NFIB: variants seen among roughly 807,000 people sequenced by gnomAD.
NFIB encodes nuclear factor 1 B-type.
NFIB carries 11 observed loss-of-function variants against 61.5 expected under a neutral mutation model. That is an observed-to-expected ratio of 0.18 (90% CI 0.11 to 0.30). NFIB has a LOEUF of 0.30. NFIB is among the 10% of genes least tolerant of loss of function. NFIB has a pLI of 1.00. For missense variants in NFIB, 471 were observed against 608.9 expected (o/e 0.77, Z 2.38); for synonymous variants, 260 against 216.5 (o/e 1.20, Z -1.76).
chr9:14,374,524 AC>A (rs2061394813), intron 1 of NFIB, among the ~76,000 whole-genome samples: 2 of 152,222 alleles, frequency 1.3e-5, no homozygotes, highest in Non-Finnish European at 2.9e-5. Flanking sequence ...TGGGTTGTTT[AC>A]AAAGGAGAGA....
chr9:14,444,508 T>G, the NFIB span, among the ~76,000 whole-genome samples: 2 of 152,178 alleles, frequency 1.3e-5, no homozygotes, highest in African/African-American at 4.8e-5. Flanking sequence ...TGGATGAGCT[T>G]CTAAATAAGA....
intron 1 of NFIB, among the ~76,000 whole-genome samples, chr9:14,331,311 T>C (rs1041946749): frequency 6.6e-6 from 1 of 152,194 alleles, no homozygotes; most frequent in Non-Finnish European, 1.5e-5. Flanking sequence ...CATAGCTTAA[T>C]AGTTTATGCA....
chr9:14,146,584 T>C, intron 6 of NFIB, 105 bp downstream of exon 6: 1 of 1,479,298 alleles, frequency 6.8e-7, no homozygotes, highest in Non-Finnish European at 9.3e-7. Flanking sequence ...ATGAAAAAAA[T>C]ATACAATCCA....
At chr9:14,491,433 G>T in the NFIB span, among the ~76,000 whole-genome samples, 1 of 152,156 alleles carries the variant, frequency 6.6e-6, no homozygotes, top group African/African-American at 2.4e-5. Context: ...AGGAAGTGTG[G>T]GAAAAAATCA....
intron 8 of NFIB, among the ~76,000 whole-genome samples, chr9:14,118,005 C>G (rs998131556): frequency 1.3e-5 from 2 of 151,820 alleles, no homozygotes; most frequent in African/African-American, 4.8e-5. Context: ...ATTTCTAAAG[C>G]TAAAATGGTA....
the NFIB span, among the ~76,000 whole-genome samples, chr9:14,524,004 T>C: frequency 1.3e-5 from 2 of 152,198 alleles, no homozygotes; most frequent in African/African-American, 4.8e-5. Flanking sequence ...GGCCCACAGA[T>C]TTGAGTTCAT....
At chr9:14,205,030 A>C in intron 2 of NFIB, 1 of 267,312 alleles carries the variant, frequency 3.7e-6, no homozygotes, top group Non-Finnish European at 7.5e-6. Flanking sequence ...AGAACTTGCC[A>C]CCAAACTGGG....
chr9:14,307,556 T>A lies in NFIB; in HGVS notation c.31-36A>T. 6.6e-7 allele frequency: 1 copy of A among 1,510,198 alleles called. No homozygotes were observed. Among genetic ancestry groups the A allele is most frequent in the Non-Finnish European group, 8.8e-7 (1 of 1,130,212 alleles). 93.5% of individuals were successfully genotyped at this position (1,510,198 alleles called of 1,614,324 possible). On this transcript the variant is annotated intron_variant, in intron 1 of 10. Coordinates refer to ENST00000380953, the MANE Select transcript of NFIB (RefSeq NM_001190737.2). The surrounding 1 kb of genome is among the most constrained non-coding windows in gnomAD (Gnocchi z 5.3). ...CAGAGGGGTGAGGAAAAGATGTGCATAGTCAGTTTAATTTTAAAAGCTCAA... is the reference window on the plus strand; with the variant it reads ...CAGAGGGGTGAGGAAAAGATGTGCAAAGTCAGTTTAATTTTAAAAGCTCAA...
the NFIB span, among the ~76,000 whole-genome samples, chr9:14,420,886 C>T: frequency 6.6e-6 from 1 of 152,146 alleles, no homozygotes; most frequent in Non-Finnish European, 1.5e-5. Context: ...ATTCAATTAA[C>T]ATGCTTCCAC....
In NFIB at chr9:14,120,299, G is replaced by A; in HGVS notation, c.1245+141C>T. 2.3e-6 allele frequency: 2 copies of A among 872,030 alleles called. No individual in the cohort carries two copies. The highest frequency in any genetic ancestry group is 3.7e-6 in the Non-Finnish European group (2 of 538,624). 54.0% of individuals were successfully genotyped at this position (872,030 alleles called of 1,614,324 possible). On this transcript the variant is annotated intron_variant, in intron 8 of 10. Transcript: ENST00000380953. The surrounding 1 kb of genome is among the most constrained non-coding windows in gnomAD (Gnocchi z 4.4). ...AGCCACCTTTAAATAAAAACTTATT[G>A]AGTCACCAAGCAACTTCCTGAAGAT...
the NFIB span, among the ~76,000 whole-genome samples, chr9:14,474,953 C>A: frequency 6.6e-6 from 1 of 152,154 alleles, no homozygotes; most frequent in Non-Finnish European, 1.5e-5. Context: ...TCTGGGCCCT[C>A]AATGGATTGT....
At chr9:14,456,268 T>A in the NFIB span, among the ~76,000 whole-genome samples, 8 of 152,120 alleles carry the variant, frequency 5.3e-5, no homozygotes, top group Admixed American at 2.0e-4. Context: ...TTTAAAAACA[T>A]TCTTATGTTG....
intron 1 of NFIB, among the ~76,000 whole-genome samples, chr9:14,391,343 C>A (rs2061619112): frequency 1.9e-4 from 1 of 5,324 alleles, no homozygotes; most frequent in African/African-American, 1.0e-3. Flanking sequence ...CCCCCCCCCA[C>A]CCCCCGCCCG....
chr9:14,289,636 C>T (rs1024166520), intron 2 of NFIB, among the ~76,000 whole-genome samples: 16 of 151,722 alleles, frequency 1.1e-4, no homozygotes, highest in African/African-American at 2.7e-4. Context: ...CATATAAATA[C>T]ATATGCACAC....
intron 1 of NFIB, among the ~76,000 whole-genome samples, chr9:14,337,722 T>G (rs2060901445): frequency 6.6e-6 from 1 of 152,224 alleles, no homozygotes; most frequent in African/African-American, 2.4e-5. Context: ...TTTGAAGACC[T>G]TTGGCATCCA....
chr9:14,371,098 A>G (rs965137152), intron 1 of NFIB, among the ~76,000 whole-genome samples: 2 of 152,120 alleles, frequency 1.3e-5, no homozygotes, highest in Admixed American at 6.5e-5. Flanking sequence ...CTGTCTCAAA[A>G]AAACCAAACC....
chr9:14,289,562 T>TAC (rs199893339), intron 2 of NFIB, among the ~76,000 whole-genome samples: 5 of 151,544 alleles, frequency 3.3e-5, no homozygotes, highest in South Asian at 2.1e-4. Flanking sequence ...TAGATAGATA[T>TAC]ACACACACAC....
At position 14,204,462 on chromosome 9, in the gene NFIB, A is replaced by G. The variant is rs1016805452; in HGVS notation, c.563-24682T>C. On this transcript the variant is annotated intron_variant, in intron 2 of 10. Transcript: ENST00000380953. ...CAGCGGCAGAGAGTCATCCTCTATAAGCGACTGAAAATGCCTCCTGCGATT... is the reference window on the plus strand; with the variant it reads ...CAGCGGCAGAGAGTCATCCTCTATAGGCGACTGAAAATGCCTCCTGCGATT... The G allele has an allele frequency of 2.1e-5, 22 of 1,047,790 alleles. No homozygotes were observed. The African/African-American group carries it at 3.1e-4, about 15-fold the overall frequency. The allele number at this position is 1,047,790 out of a possible 1,614,324, so 64.9% of individuals were successfully genotyped here. A position where few individuals can be genotyped will look rare whatever the true frequency, so the allele number is the denominator to read the frequency against.
chr9:14,185,302 C>G (rs2131497810), intron 2 of NFIB, among the ~76,000 whole-genome samples: 1 of 152,244 alleles, frequency 6.6e-6, no homozygotes, highest in East Asian at 1.9e-4. Flanking sequence ...ATATTTCACT[C>G]TTTTACCAAG....
Sources: gnomAD v4.1 joint callset for allele counts (sites outside exome capture counted in the v4.1 genomes callset) on GRCh38, gnomAD v4.1.1 for gene constraint, Gnocchi (gnomAD v3.1) non-coding constraint, MANE v1.5 for transcripts, NCBI Gene and HGNC (gene_info 2026-07-23, HGNC 2026-07-21) for gene names.